PXT1: variants seen among roughly 807,000 people sequenced by gnomAD.
The protein encoded by PXT1 is peroxisomal testis-specific protein 1.
A neutral mutation model predicts 11.0 loss-of-function variants in PXT1; 11 were observed. That is an observed-to-expected ratio of 1.00 (90% CI 0.63 to 1.66). The LOEUF is 1.66. Ranked by LOEUF, PXT1 falls within the 40% of genes most tolerant of loss-of-function variation. PXT1 has a pLI of 0.00. For synonymous variants in PXT1, 43 were observed against 51.4 expected (o/e 0.84, Z 0.70); for missense variants, 141 against 155.5 (o/e 0.91, Z 0.49).
intron 3 of PXT1, among the ~76,000 whole-genome samples, chr6:36,408,591 AT>A (rs76802580): frequency 4.7e-5 from 7 of 150,460 alleles, no homozygotes; most frequent in Admixed American, 1.3e-4. Context: ...AGAAAAAAAA[AT>A]TTTTTGTAGG....
chr6:36,420,438 T>C (rs1455974915), intron 3 of PXT1, among the ~76,000 whole-genome samples: 1 of 152,210 alleles, frequency 6.6e-6, no homozygotes, highest in Non-Finnish European at 1.5e-5. Context: ...GTGCTTAATA[T>C]GATACTTTTC....
At chr6:36,432,207 T>G (rs571928917) in intron 2 of PXT1, among the ~76,000 whole-genome samples, 2 of 152,102 alleles carry the variant, frequency 1.3e-5, no homozygotes, top group Non-Finnish European at 2.9e-5. Flanking sequence ...GACCTAAAAT[T>G]TGACTTGGAA....
chr6:36,392,104 C>T (rs9368926), intron 4 of PXT1: 223,888 of 421,984 alleles, frequency 0.53, 60,518 homozygotes, highest in Middle Eastern at 0.58. Flanking sequence ...GTCTTTCCCA[C>T]CTGGCCTCAA....
intron 4 of PXT1, among the ~76,000 whole-genome samples, chr6:36,398,363 T>C (rs1774171284): frequency 6.6e-6 from 1 of 152,146 alleles, no homozygotes; most frequent in Admixed American, 6.6e-5. Flanking sequence ...GACCCAGCAA[T>C]TCCATTCCTA....
intron 4 of PXT1, among the ~76,000 whole-genome samples, chr6:36,398,014 CA>C (rs377375378): frequency 1.5e-4 from 21 of 140,750 alleles, no homozygotes; most frequent in Non-Finnish European, 1.1e-4. Flanking sequence ...GACTCTGTCT[CA>C]AAAAAAAAAG....
intron 3 of PXT1, among the ~76,000 whole-genome samples, chr6:36,401,552 G>T (rs1774214855): frequency 6.6e-6 from 1 of 150,746 alleles, no homozygotes. Context: ...GGGAGGGGAG[G>T]CTGGAGCGAG....
At chr6:36,406,412 T>G (rs1774292584) in intron 3 of PXT1, among the ~76,000 whole-genome samples, 1 of 152,128 alleles carries the variant, frequency 6.6e-6, no homozygotes, top group Non-Finnish European at 1.5e-5. Context: ...GGGGCCATGA[T>G]GAGTTGAAGC....
chr6:36,409,747 G>GTGATCCTC (rs1774338555), intron 3 of PXT1, among the ~76,000 whole-genome samples: 2 of 151,490 alleles, frequency 1.3e-5, no homozygotes, highest in African/African-American at 4.9e-5. Flanking sequence ...GATCACTTAA[G>GTGATCCTC]CCTAGAAGTT....
chr6:36,427,234 C>T (rs1774621753), intron 2 of PXT1, among the ~76,000 whole-genome samples: 1 of 152,096 alleles, frequency 6.6e-6, no homozygotes, highest in African/African-American at 2.4e-5. Flanking sequence ...AACTGCTGAC[C>T]TCGTGATCTG....
intron 2 of PXT1, among the ~76,000 whole-genome samples, chr6:36,435,195 T>G (rs1349230165): frequency 6.6e-6 from 1 of 152,130 alleles, no homozygotes. Context: ...ATCCCAGCAT[T>G]TGGGAGGCTG....
chr6:36,431,570 C>T (rs753275727), intron 2 of PXT1, among the ~76,000 whole-genome samples: 4 of 152,114 alleles, frequency 2.6e-5, no homozygotes, highest in Non-Finnish European at 4.4e-5. Context: ...AGTTCAGGAA[C>T]AGCCTGGGCA....
At chr6:36,434,780 T>C (rs1274270706) in intron 2 of PXT1, among the ~76,000 whole-genome samples, 1 of 152,222 alleles carries the variant, frequency 6.6e-6, no homozygotes, top group Non-Finnish European at 1.5e-5. Context: ...AAATAAAATA[T>C]TTGAAATGTC....
chr6:36,409,624 G>T (rs1241480532), intron 3 of PXT1, among the ~76,000 whole-genome samples: 2 of 152,094 alleles, frequency 1.3e-5, no homozygotes, highest in African/African-American at 4.8e-5. Flanking sequence ...CCAGGAGTCT[G>T]AGGCCAGCCT....
chr6:36,431,540 G>C (rs1774692854), intron 2 of PXT1, among the ~76,000 whole-genome samples: 2 of 152,172 alleles, frequency 1.3e-5, no homozygotes, highest in African/African-American at 4.8e-5. Context: ...GCTGAGGTGG[G>C]CTGATCACTT....
Position 36,413,647 on chromosome 6 carries a change from T to G in PXT1, c.169+12267A>C, listed in dbSNP as rs115959006. Among the ~76,000 whole-genome samples, 820 of 152,236 alleles carry G rather than the reference T, an allele frequency of 5.4e-3. 4 individuals carry two copies. The highest frequency in any genetic ancestry group is 0.019 in the African/African-American group (776 of 41,538). On this transcript the variant is annotated intron_variant, in intron 3 of 4. Transcript: ENST00000454782. ...AAATTTTTTAATGCCCTCAAAGATG[T>G]TATAAACAATTATTTTCAATCTAGA...
At chr6:36,437,305 CA>C (rs1472207830) in intron 2 of PXT1, among the ~76,000 whole-genome samples, 5 of 150,130 alleles carry the variant, frequency 3.3e-5, no homozygotes, top group Non-Finnish European at 5.9e-5. Flanking sequence ...CAAACAAAAC[CA>C]AAAAAAACCC....
chr6:36,391,633 T>G lies in PXT1; in HGVS notation c.*137A>C. Reference sequence around the variant, plus strand: ...GTGAACCCGCAGTTCTTCAACAAACTGGGTGTAGACCAACAGTGATGGGTA... The same window carrying G: ...GTGAACCCGCAGTTCTTCAACAAACGGGGTGTAGACCAACAGTGATGGGTA... On this transcript the variant is annotated 3_prime_UTR_variant, in exon 5 of 5. Transcript: ENST00000454782. The G allele has an allele frequency of 5.7e-6, 4 of 699,584 alleles. No homozygotes were observed. The allele number at this position is 699,584 out of a possible 1,614,324, so 43.3% of individuals were successfully genotyped here.
At chr6:36,416,222 A>C (rs990112244) in intron 3 of PXT1, among the ~76,000 whole-genome samples, 3 of 151,860 alleles carry the variant, frequency 2.0e-5, no homozygotes, top group Non-Finnish European at 4.4e-5. Flanking sequence ...GATGGAGTGC[A>C]CCTGTGGTCC....
At chr6:36,435,849 C>T (rs1307457051) in intron 2 of PXT1, among the ~76,000 whole-genome samples, 1 of 152,110 alleles carries the variant, frequency 6.6e-6, no homozygotes, top group Non-Finnish European at 1.5e-5. Flanking sequence ...CACCTACTCA[C>T]ACTAACAAAC....
Sources: gnomAD v4.1 joint callset for allele counts (sites outside exome capture counted in the v4.1 genomes callset) on GRCh38, gnomAD v4.1.1 for gene constraint, MANE v1.5 for transcripts, NCBI Gene and HGNC (gene_info 2026-07-23, HGNC 2026-07-21) for gene names.